ZNF48: variants seen among roughly 807,000 people sequenced by gnomAD.
ZNF48 encodes zinc finger protein 48, also known as zinc finger protein 553.
In ZNF48, 20 loss-of-function variants were observed where a neutral mutation model predicts 40.0. That is an observed-to-expected ratio of 0.50 (90% confidence interval 0.35 to 0.73). ZNF48 has a LOEUF of 0.73. Ranked by LOEUF, ZNF48 falls within the 30% of genes least tolerant of loss-of-function variation. The pLI is 0.01. For synonymous variants in ZNF48, 298 were observed against 329.7 expected (o/e 0.90, Z 1.04); for missense variants, 726 against 851.9 (o/e 0.85, Z 1.84).
Position 30,395,638 on chromosome 16 carries a change from G to A in ZNF48, c.-16+60G>A. The stretch of plus-strand genomic sequence containing the variant: ...AGGTGCAGGGGCGGCCGGCGGCGCG[G>A]GCAGGGGGCACCGGGAGCCGCGCCC... On this transcript the variant is annotated intron_variant, in intron 1 of 2. Coordinates refer to ENST00000613509, the MANE Select transcript of ZNF48 (RefSeq NM_001214909.2). This position sits in a 1 kb window ranked among gnomAD's most constrained non-coding sequence, Gnocchi z 5.9. The A allele has an allele frequency of 2.2e-6, 1 of 464,032 alleles. No homozygotes were observed. Among genetic ancestry groups the A allele is most frequent in the Non-Finnish European group, 3.1e-6 (1 of 322,158 alleles). The allele number at this position is 464,032 out of a possible 1,614,324, so 28.7% of individuals were successfully genotyped here. A position where few individuals can be genotyped will look rare whatever the true frequency, so the allele number is the denominator to read the frequency against.
At chr16:30,396,559 C>T (rs1216779960) in intron 2 of ZNF48, among the ~76,000 whole-genome samples, 2 of 151,954 alleles carry the variant, frequency 1.3e-5, no homozygotes, top group East Asian at 1.9e-4. Flanking sequence ...AATAAATTAC[C>T]GAATGGGCTA....
At chr16:30,393,943 A>G (rs1022642670), upstream of ZNF48, among the ~76,000 whole-genome samples, 2 of 150,446 alleles carry the variant, frequency 1.3e-5, no homozygotes, top group Non-Finnish European at 3.0e-5. Context: ...GTTTCGAACT[A>G]GTGGCCTCAA....
chr16:30,396,189 T>C (rs1018068276), intron 2 of ZNF48, among the ~76,000 whole-genome samples: 4 of 152,200 alleles, frequency 2.6e-5, no homozygotes, highest in African/African-American at 9.6e-5. Context: ...CTCGCCAGCT[T>C]GATCTAAGTC....
intron 1 of ZNF48, among the ~76,000 whole-genome samples, chr16:30,385,225 A>G (rs906312706): frequency 7.1e-6 from 1 of 141,168 alleles, no homozygotes; most frequent in South Asian, 2.1e-4. Context: ...TAATAATATA[A>G]ATAAATAAAT....
intron 1 of ZNF48, chr16:30,378,878 G>A: frequency 1.4e-6 from 1 of 712,230 alleles, no homozygotes; most frequent in Non-Finnish European, 2.3e-6. Flanking sequence ...GACGGAGAGA[G>A]GGAGGGAGGG....
chr16:30,385,863 C>T (rs912681595), intron 1 of ZNF48, among the ~76,000 whole-genome samples: 16 of 151,660 alleles, frequency 1.1e-4, no homozygotes, highest in African/African-American at 3.6e-4. Context: ...TGGTGGTTCA[C>T]GCCTGTAATC....
chr16:30,392,793 C>T (rs1043691597), upstream of ZNF48, among the ~76,000 whole-genome samples: 11 of 152,142 alleles, frequency 7.2e-5, no homozygotes, highest in African/African-American at 2.2e-4. Context: ...TATCTCTGTG[C>T]GCTACACTCC....
intron 1 of ZNF48, among the ~76,000 whole-genome samples, chr16:30,390,120 C>T (rs907106917): frequency 1.3e-5 from 2 of 151,808 alleles, no homozygotes; most frequent in Non-Finnish European, 2.9e-5. Flanking sequence ...TATGCCCAGC[C>T]CGTATTAGTT....
upstream of ZNF48, among the ~76,000 whole-genome samples, chr16:30,392,773 C>T (rs145645433): frequency 6.6e-6 from 1 of 152,184 alleles, no homozygotes; most frequent in African/African-American, 2.4e-5. Flanking sequence ...CCACTGAACA[C>T]TACAGAAGGT....
chr16:30,378,886 G>A, intron 1 of ZNF48: 1 of 497,974 alleles, frequency 2.0e-6, no homozygotes, highest in South Asian at 2.4e-5. Flanking sequence ...GAGGGAGGGA[G>A]GGAGGGAGGG....
intron 1 of ZNF48, among the ~76,000 whole-genome samples, chr16:30,389,993 C>T (rs954747348): frequency 1.3e-5 from 2 of 151,448 alleles, no homozygotes; most frequent in African/African-American, 4.8e-5. Flanking sequence ...CTGGCTAATT[C>T]TTTTTTCTTT....
intron 1 of ZNF48, chr16:30,378,559 C>T: frequency 6.2e-7 from 1 of 1,605,738 alleles, no homozygotes. Context: ...CCTGGCGAAG[C>T]CAGAGGGGGA....
intron 1 of ZNF48, chr16:30,380,051 TAG>T: frequency 6.3e-7 from 1 of 1,599,066 alleles, no homozygotes; most frequent in Non-Finnish European, 8.5e-7. Flanking sequence ...GAAACAGATA[TAG>T]AGACAGTGTG....
intron 1 of ZNF48, among the ~76,000 whole-genome samples, chr16:30,386,938 C>T (rs1377595265): frequency 7.1e-6 from 1 of 141,122 alleles, no homozygotes; most frequent in African/African-American, 2.6e-5. Flanking sequence ...CTGCACCTGG[C>T]CTTTTTTTTT....
rs1377989778 is a variant in ZNF48, at chr16:30,382,803, A to G, written c.-16+4393A>G. 1 of 1,534,978 alleles carries G rather than the reference A, an allele frequency of 6.5e-7. No homozygotes were observed. The highest frequency in any genetic ancestry group is 8.7e-7 in the Non-Finnish European group (1 of 1,146,256). ...TGTAGCTCCATCATCGTGGTGAGAC[A>G]TGGGGTATGTGCAGAGAGGAAGGAA... is the stretch of plus-strand genomic sequence containing the variant. On this transcript the variant is annotated intron_variant, in intron 1 of 2. Transcript: ENST00000528032. This position sits in a 1 kb window ranked among gnomAD's most constrained non-coding sequence, Gnocchi z 4.8.
chr16:30,378,460 G>A (rs1299487687), intron 1 of ZNF48: 6 of 1,575,584 alleles, frequency 3.8e-6, no homozygotes, highest in African/African-American at 2.7e-5. Context: ...TGCTCGCCCT[G>A]GGCCTGGCTC....
chr16:30,383,219 C>T (rs1473463609), intron 1 of ZNF48, among the ~76,000 whole-genome samples: 2 of 152,118 alleles, frequency 1.3e-5, no homozygotes, highest in African/African-American at 2.4e-5. Flanking sequence ...GACGGAGTCT[C>T]GCTCTGTTGC....
rs1470117324 is a variant in ZNF48 at position 30,397,237 on chromosome 16, C to T, written c.80-93C>T. On this transcript the variant is annotated intron_variant, in intron 2 of 2. Transcript: ENST00000613509. This position sits in a 1 kb window ranked among gnomAD's most constrained non-coding sequence, Gnocchi z 4.1. ...AGAGAGATTGGGGTTCCTGTGACCACAGATTGTCAAGGGAGTCTTCCTGGA... is the reference window on the plus strand; with the variant it reads ...AGAGAGATTGGGGTTCCTGTGACCATAGATTGTCAAGGGAGTCTTCCTGGA... The T allele has an allele frequency of 5.1e-6, 6 of 1,176,760 alleles. No individual in the cohort carries two copies. The highest frequency in any genetic ancestry group is 7.2e-6 in the Non-Finnish European group (6 of 830,986). The allele number at this position is 1,176,760 out of a possible 1,614,324, so 72.9% of individuals were successfully genotyped here.
At position 30,381,241 on chromosome 16, in the gene ZNF48, G is replaced by C; in HGVS notation, c.-16+2831G>C. 6.2e-7 allele frequency: 1 copy of C among 1,614,044 alleles called. No individual in the cohort carries two copies. The highest frequency in any genetic ancestry group is 8.5e-7 in the Non-Finnish European group (1 of 1,179,958). ...GGAGGAAGGCCACATCTAGGGGCCG[G>C]AGCCTGCACCCAGGGATTGGTCATT... On this transcript the variant is annotated intron_variant, in intron 1 of 2. Transcript: ENST00000528032. The surrounding 1 kb of genome is among the most constrained non-coding windows in gnomAD (Gnocchi z 4.3).
Sources: allele counts gnomAD v4.1 joint callset (sites outside exome capture counted in the v4.1 genomes callset), GRCh38; gene constraint gnomAD v4.1.1; non-coding constraint Gnocchi (gnomAD v3.1); transcripts MANE v1.5; gene names NCBI Gene and HGNC (gene_info 2026-07-23, HGNC 2026-07-21).